The following MDGA2 variants were observed in gnomAD, a reference collection of about 807,000 sequenced individuals.
MDGA2 encodes MAM domain-containing glycosylphosphatidylinositol anchor protein 2.
A neutral mutation model predicts 117.8 loss-of-function variants in MDGA2; 40 were observed. That is an observed-to-expected ratio of 0.34 (90% confidence interval 0.26 to 0.44). The LOEUF is 0.44. Among genes scored for constraint, MDGA2 ranks in the 20% least tolerant of loss-of-function variants. MDGA2 has a pLI of 1.00. For synonymous variants in MDGA2, 452 were observed against 439.0 expected, an observed-to-expected ratio of 1.03 and a Z score of -0.37; for missense variants, 1,123 against 1,250.6, an observed-to-expected ratio of 0.90 and a Z score of 1.54.
chr14:47,260,926 T>C (rs1009150515), intron 2 of MDGA2, among the ~76,000 whole-genome samples: 8 of 152,088 alleles, frequency 5.3e-5, no homozygotes, highest in Admixed American at 6.6e-5. Context: ...ACAGATTATA[T>C]TTGGCTTTAA....
chr14:47,087,242 C>T (rs769092165), intron 6 of MDGA2, among the ~76,000 whole-genome samples: 21 of 151,608 alleles, frequency 1.4e-4, no homozygotes, highest in African/African-American at 2.4e-4. Context: ...TGGCTGGGTG[C>T]GGTGGCTCAC....
intron 1 of MDGA2, among the ~76,000 whole-genome samples, chr14:47,554,384 AC>A (rs1173067752): frequency 1.2e-4 from 19 of 152,298 alleles, no homozygotes; most frequent in African/African-American, 4.6e-4. Context: ...TAATGGCAAA[AC>A]CTTGAAAAAT....
rs1890593532 is a variant in MDGA2 at position 47,340,647 on chromosome 14, TA to T, written c.281-39098del. Among the ~76,000 whole-genome samples the T allele has an allele frequency of 3.3e-5, 5 of 152,308 alleles. No homozygotes were observed. The South Asian group carries it at 1.0e-3, about 32-fold the overall frequency. On this transcript the variant is annotated intron_variant, in intron 1 of 16. Transcript: ENST00000399232. ...ACTGACCTCTTAGGGTTTGTGAATGTAGCCTTTTATGAGACAGAGTAACAAG... is the reference window on the plus strand; with the variant it reads ...ACTGACCTCTTAGGGTTTGTGAATGTGCCTTTTATGAGACAGAGTAACAAG...
intron 8 of MDGA2, among the ~76,000 whole-genome samples, chr14:46,967,100 TA>T (rs1200275036): frequency 2.0e-5 from 3 of 152,124 alleles, no homozygotes; most frequent in African/African-American, 4.8e-5. Flanking sequence ...AAATGAATAT[TA>T]AAAAATATTA....
intron 2 of MDGA2, among the ~76,000 whole-genome samples, chr14:47,300,012 G>A (rs1252065248): frequency 6.6e-6 from 1 of 151,816 alleles, no homozygotes; most frequent in East Asian, 1.9e-4. Context: ...TTCTGTTTTA[G>A]CCATAGTCTT....
intron 1 of MDGA2, among the ~76,000 whole-genome samples, chr14:47,347,699 T>C (rs1237233825): frequency 1.3e-5 from 2 of 152,172 alleles, no homozygotes; most frequent in African/African-American, 2.4e-5. Flanking sequence ...TTGGGAATCA[T>C]CAGCATACAG....
chr14:46,935,597 C>A (rs1354088140), intron 9 of MDGA2, among the ~76,000 whole-genome samples: 5 of 152,100 alleles, frequency 3.3e-5, no homozygotes, highest in African/African-American at 1.2e-4. Flanking sequence ...TCTGGGAATC[C>A]CCAAGAGATT....
At chr14:47,614,403 T>C (rs867774514) in intron 1 of MDGA2, among the ~76,000 whole-genome samples, 1 of 152,170 alleles carries the variant, frequency 6.6e-6, no homozygotes, top group Non-Finnish European at 1.5e-5. Context: ...TTTTCACCTT[T>C]TAAATCAATG....
chr14:47,107,128 A>G (rs1343863051), intron 5 of MDGA2, among the ~76,000 whole-genome samples: 1 of 147,788 alleles, frequency 6.8e-6, no homozygotes, highest in African/African-American at 2.6e-5. Context: ...TGCACCCCTT[A>G]CCATCTCATT....
intron 8 of MDGA2, among the ~76,000 whole-genome samples, chr14:47,016,994 C>T (rs941519487): frequency 6.6e-6 from 1 of 151,714 alleles, no homozygotes; most frequent in African/African-American, 2.4e-5. Flanking sequence ...TTCCAGCTTG[C>T]AAAATACTTG....
At position 47,218,005 on chromosome 14, in the gene MDGA2, T is replaced by C; in HGVS notation, c.595+16A>G. 5 of 1,500,424 alleles carry C rather than the reference T, an allele frequency of 3.3e-6. No homozygotes were observed. Among genetic ancestry groups the C allele is most frequent in the East Asian group, 2.5e-5 (1 of 39,414 alleles). 92.9% of individuals were successfully genotyped at this position (1,500,424 alleles called of 1,614,324 possible). A position where few individuals can be genotyped will look rare whatever the true frequency, so the allele number is the denominator to read the frequency against. ...CATAATAGGCTTAATTATAGTTTTC[T>C]GGAAAATTTACTTACAGTATACATC... On this transcript the variant is annotated intron_variant, in intron 3 of 16. Coordinates refer to ENST00000399232, the MANE Select transcript of MDGA2 (RefSeq NM_001113498.3).
At chr14:47,150,570 C>T (rs907316757) in intron 3 of MDGA2, among the ~76,000 whole-genome samples, 1 of 152,134 alleles carries the variant, frequency 6.6e-6, no homozygotes, top group Admixed American at 6.5e-5. Flanking sequence ...TACCTTTCCT[C>T]AATACCTATC....
rs1439824480 is a variant in MDGA2, at chr14:47,144,199, A to G, written c.671T>C (p.Val224Ala). ...GGAATTGGCAACACACCGGAGGAAC[A>G]CTGTTCTCTCATAGTAAAATTGTTC... ...AKEQFYYERTVFLRCVANSNP... is the reference protein window; with the variant it reads ...AKEQFYYERTAFLRCVANSNP... Residue 224 changes from valine to alanine, a missense_variant, in exon 4 of 17, where the codon GTG (valine) becomes GCG (alanine). By Grantham distance (64) the Val-to-Ala change is moderately conservative (BLOSUM62 0). This residue lies in a region of MDGA2 where 890 missense variants were observed against 1,050.3 expected (regional missense o/e 0.85). Transcript: ENST00000399232. 7 of 1,551,358 alleles carry G rather than the reference A, an allele frequency of 4.5e-6. No individual in the cohort carries two copies. The highest frequency in any genetic ancestry group is 2.7e-5 in the African/African-American group (2 of 73,160).
At chr14:46,847,815 C>T (rs1051655337) in intron 15 of MDGA2, among the ~76,000 whole-genome samples, 15 of 151,894 alleles carry the variant, frequency 9.9e-5, no homozygotes. Flanking sequence ...ATTATTCATA[C>T]TTATTTAAAG....
intron 1 of MDGA2, among the ~76,000 whole-genome samples, chr14:47,505,456 T>G (rs1435140144): frequency 6.6e-6 from 1 of 152,132 alleles, no homozygotes; most frequent in Non-Finnish European, 1.5e-5. Flanking sequence ...AAACATCAAA[T>G]TATACTCATA....
intron 1 of MDGA2, among the ~76,000 whole-genome samples, chr14:47,666,581 C>T (rs878864082): frequency 3.3e-5 from 5 of 152,122 alleles, no homozygotes; most frequent in East Asian, 1.9e-4. Context: ...CCTGTCAAAA[C>T]GGACCAATCA....
At chr14:47,220,002 T>A (rs998544375) in intron 2 of MDGA2, among the ~76,000 whole-genome samples, 2 of 152,172 alleles carry the variant, frequency 1.3e-5, no homozygotes, top group African/African-American at 4.8e-5. Flanking sequence ...AAATATTGTT[T>A]ATTGTAAAGA....
intron 1 of MDGA2, among the ~76,000 whole-genome samples, chr14:47,322,037 A>T (rs1889995207): frequency 6.6e-6 from 1 of 152,176 alleles, no homozygotes; most frequent in African/African-American, 2.4e-5. Flanking sequence ...AAAATACTCA[A>T]CTTCAAACGT....
chr14:47,105,236 T>C (rs897769575), intron 5 of MDGA2, among the ~76,000 whole-genome samples: 2 of 152,120 alleles, frequency 1.3e-5, no homozygotes, highest in Non-Finnish European at 2.9e-5. Flanking sequence ...AAGCCCCCAA[T>C]TGCTTATTTC....
Sources: allele counts gnomAD v4.1 joint callset (sites outside exome capture counted in the v4.1 genomes callset), GRCh38; gene constraint gnomAD v4.1.1; regional missense constraint gnomAD v4.1.1; transcripts MANE v1.5; gene names NCBI Gene and HGNC (gene_info 2026-07-23, HGNC 2026-07-21).